The following DYRK4 variants were observed in gnomAD, a reference collection of about 807,000 sequenced individuals.
DYRK4 encodes dual specificity tyrosine phosphorylation regulated kinase 4, also known as dual specificity tyrosine-phosphorylation-regulated kinase 4.
Under a neutral mutation model 68.3 loss-of-function variants are expected in DYRK4, and 64 were observed. That is an observed-to-expected ratio of 0.94 (90% CI 0.77 to 1.15). The LOEUF is 1.15. DYRK4 is among the 50% of genes most tolerant of loss of function. The pLI is 0.00. For missense variants in DYRK4, 740 were observed against 764.7 expected (o/e 0.97, Z 0.38); for synonymous variants, 274 against 289.9 (o/e 0.95, Z 0.56).
Position 4,568,141 on chromosome 12 carries a change from C to T in DYRK4, c.132+93C>T, listed in dbSNP as rs1198653068. On this transcript the variant is annotated intron_variant, in intron 2 of 14. Coordinates refer to ENST00000543431, the MANE Select transcript of DYRK4 (RefSeq NM_001394779.1). ...AGTGCTGATGGTTGTGCCCCAAGCA[C>T]CTCTGGGTACAGCGCAAAGGCAAAG... 3 of 1,190,610 alleles carry T rather than the reference C, an allele frequency of 2.5e-6. No homozygotes were observed. In the African/African-American group the frequency reaches 4.6e-5, roughly 18 times the overall value. 73.8% of individuals were successfully genotyped at this position (1,190,610 alleles called of 1,614,324 possible).
In DYRK4 at chr12:4,613,631, C is replaced by G; in HGVS notation, c.1783C>G (p.Gln595Glu). Residue 595 changes from glutamine to glutamate, a missense_variant, in exon 15 of 15, where the codon CAA (glutamine) becomes GAA (glutamate). By Grantham distance (29) the Gln-to-Glu change is conservative (BLOSUM62 2). This residue lies in a region of DYRK4 where 614 missense variants were observed against 603.7 expected (regional missense o/e 1.02). Transcript: ENST00000543431. This position sits in a 1 kb window ranked among gnomAD's most constrained non-coding sequence, Gnocchi z 4.0. ...CGGAGCTGACACTGTTCAGCTGCCT[C>G]AACTGGTAGACGCTCCCAAGAAGTC... ...QHGADTVQLP[Q>E]LVDAPKKSEA... 6.2e-7 allele frequency: 1 copy of G among 1,614,042 alleles called. No individual in the cohort carries two copies. Among genetic ancestry groups the G allele is most frequent in the South Asian group, 1.1e-5 (1 of 91,074 alleles).
chr12:4,601,873 GGTTTGTGT>G (rs927766393), intron 10 of DYRK4: 5 of 75,118 alleles, frequency 6.7e-5, no homozygotes, highest in African/African-American at 2.3e-4. Context: ...CAGTCTGTAG[GGTTTGTGT>G]GTGTGTGTGT....
chr12:4,596,521 C>A, intron 7 of DYRK4, 68 bp from the exon 8 acceptor site: 1 of 1,567,442 alleles, frequency 6.4e-7, no homozygotes, highest in South Asian at 1.2e-5. Flanking sequence ...CTGACTGCTG[C>A]AGCGGGACCT....
At chr12:4,592,967 C>A (rs1328189078) in intron 5 of DYRK4, 35 bp from the exon 6 acceptor site, 1 of 1,600,248 alleles carries the variant, frequency 6.2e-7, no homozygotes, top group Admixed American at 1.7e-5. Context: ...CATGCTGCCT[C>A]AACTGAACTC....
chr12:4,612,165 G>A (rs1945229116), intron 13 of DYRK4, among the ~76,000 whole-genome samples: 1 of 152,132 alleles, frequency 6.6e-6, no homozygotes, highest in Non-Finnish European at 1.5e-5. Flanking sequence ...AAATCTCCTT[G>A]CAATATTTTT....
At chr12:4,585,037 T>C (rs1478951519) in intron 2 of DYRK4, among the ~76,000 whole-genome samples, 1 of 152,136 alleles carries the variant, frequency 6.6e-6, no homozygotes, top group Non-Finnish European at 1.5e-5. Context: ...GGTCAGGACT[T>C]GAGACTGGAG....
intron 10 of DYRK4, chr12:4,603,376 G>A (rs1360428216): frequency 6.5e-6 from 3 of 464,250 alleles, no homozygotes; most frequent in South Asian, 4.0e-5. Flanking sequence ...ATTCATCTTT[G>A]TATTCTTCAC....
At chr12:4,568,661 C>T (rs997730925) in intron 2 of DYRK4, among the ~76,000 whole-genome samples, 2 of 152,224 alleles carry the variant, frequency 1.3e-5, no homozygotes, top group African/African-American at 2.4e-5. Flanking sequence ...GCTGGGATTA[C>T]AGGCGTGAGC....
chr12:4,611,448 A>G (rs1945219965), intron 13 of DYRK4, among the ~76,000 whole-genome samples: 1 of 152,240 alleles, frequency 6.6e-6, no homozygotes, highest in Admixed American at 6.5e-5. Flanking sequence ...CATAACTTGC[A>G]AGAGGCAGTC....
At chr12:4,574,189 C>A (rs1944761686) in intron 2 of DYRK4, among the ~76,000 whole-genome samples, 1 of 147,976 alleles carries the variant, frequency 6.8e-6, no homozygotes, top group Non-Finnish European at 1.5e-5. Flanking sequence ...CGCGCCACTG[C>A]ACCCTGGCCT....
At position 4,604,954 on chromosome 12, in the gene DYRK4, A is replaced by G. The variant is rs1323860091; in HGVS notation, c.1167A>G (p.Glu389=). The G allele has an allele frequency of 1.8e-5, 29 of 1,613,052 alleles. No homozygotes were observed. Among genetic ancestry groups the G allele is most frequent in the African/African-American group, 2.7e-5 (2 of 74,888 alleles). The change falls in exon 11 of 15, where the codon GAA becomes GAG. Residue 389 remains glutamate, a synonymous_variant. Transcript: ENST00000543431. ...YIQSRFYRSP[E]VILGHPYDVA... ...AAAGCCGGTTCTACCGATCCCCAGA[A>G]GTGATCCTGGGCCACCCCTACGACG...
At chr12:4,610,704 A>G (rs989297031) in intron 13 of DYRK4, among the ~76,000 whole-genome samples, 1 of 152,220 alleles carries the variant, frequency 6.6e-6, no homozygotes, top group African/African-American at 2.4e-5. Context: ...TCCAGTGTAA[A>G]CTGGTTTCAG....
rs547205453 is a variant in DYRK4, at chr12:4,570,118, G to A, written c.132+2070G>A. Among the ~76,000 whole-genome samples, 29 of 151,550 alleles carry A rather than the reference G, an allele frequency of 1.9e-4. No individual in the cohort carries two copies. In the South Asian group the frequency reaches 5.8e-3, roughly 30 times the overall value. ...TAGCTGGGTGTGGTAGTGCACGCCT[G>A]TAGTCCCAGCTACTTGGGAGCCTGA... On this transcript the variant is annotated intron_variant, in intron 2 of 14. Coordinates refer to ENST00000543431, the MANE Select transcript of DYRK4 (RefSeq NM_001394779.1).
chr12:4,587,231 G>A (rs1221376998), intron 2 of DYRK4, among the ~76,000 whole-genome samples: 1 of 152,116 alleles, frequency 6.6e-6, no homozygotes, highest in East Asian at 1.9e-4. Context: ...GCATGAGCAG[G>A]GAAGAGCCCT....
chr12:4,607,734 C>G (rs547592680), intron 12 of DYRK4, among the ~76,000 whole-genome samples: 2 of 152,334 alleles, frequency 1.3e-5, no homozygotes, highest in South Asian at 2.1e-4. Flanking sequence ...CCCTCTCACA[C>G]TATGCACTGT....
intron 8 of DYRK4, chr12:4,597,142 G>A: frequency 9.6e-7 from 1 of 1,045,918 alleles, no homozygotes. Flanking sequence ...TGGGAAATGG[G>A]TTTTGATTTT....
intron 6 of DYRK4, among the ~76,000 whole-genome samples, 158 bp from the exon 7 acceptor site, chr12:4,595,991 G>A (rs549532338): frequency 3.3e-5 from 5 of 152,280 alleles, no homozygotes; most frequent in East Asian, 1.9e-4. Context: ...CATCATAGTC[G>A]CAATGAGATG....
intron 2 of DYRK4, among the ~76,000 whole-genome samples, chr12:4,584,858 A>G (rs1228561875): frequency 6.6e-6 from 1 of 152,068 alleles, no homozygotes; most frequent in Non-Finnish European, 1.5e-5. Flanking sequence ...CCTGGCCTCT[A>G]ATCAGCTTTT....
intron 9 of DYRK4, 104 bp downstream of exon 9, chr12:4,599,270 CTTTTTT>C (rs71061195): frequency 2.3e-4 from 108 of 460,890 alleles, no homozygotes; most frequent in Middle Eastern, 1.8e-3. Context: ...TTGCCTTTGA[CTTTTTT>C]TTTTTTTTTT....
Sources: allele counts gnomAD v4.1 joint callset (sites outside exome capture counted in the v4.1 genomes callset), GRCh38; gene constraint gnomAD v4.1.1; regional missense constraint gnomAD v4.1.1; non-coding constraint Gnocchi (gnomAD v3.1); transcripts MANE v1.5; gene names NCBI Gene and HGNC (gene_info 2026-07-23, HGNC 2026-07-21).